DYNC1I1: variants seen among roughly 807,000 people sequenced by gnomAD.
DYNC1I1 encodes cytoplasmic dynein 1 intermediate chain 1.
Under a neutral mutation model 86.6 loss-of-function variants are expected in DYNC1I1, and 43 were observed. The ratio of observed to expected loss-of-function variants is 0.50; its 90% CI spans 0.39 to 0.64. The LOEUF is 0.64. Among genes scored for constraint, DYNC1I1 ranks in the 30% least tolerant of loss-of-function variants. The pLI is 0.00. For synonymous variants in DYNC1I1, 262 were observed against 283.7 expected, an observed-to-expected ratio of 0.92 and a Z score of 0.77; for missense variants, 604 against 788.8, an observed-to-expected ratio of 0.77 and a Z score of 2.81.
intron 1 of DYNC1I1, among the ~76,000 whole-genome samples, chr7:95,790,856 G>A (rs547175322): frequency 1.3e-5 from 2 of 152,176 alleles, no homozygotes; most frequent in Non-Finnish European, 2.9e-5. Context: ...CTTTGGTTGT[G>A]AGGATAGAGT....
intron 6 of DYNC1I1, among the ~76,000 whole-genome samples, chr7:95,910,837 A>G (rs549748795): frequency 6.6e-6 from 1 of 152,306 alleles, no homozygotes; most frequent in Admixed American, 6.5e-5. Context: ...TCATACATAC[A>G]TGTAGCTCAC....
chr7:96,063,918 A>G (rs763133854), intron 14 of DYNC1I1, among the ~76,000 whole-genome samples: 11 of 152,198 alleles, frequency 7.2e-5, no homozygotes, highest in Non-Finnish European at 1.2e-4. Context: ...CAGTCTCTCC[A>G]AGGCTGAATC....
intron 10 of DYNC1I1, among the ~76,000 whole-genome samples, chr7:95,996,719 T>A (rs765922793): frequency 6.6e-6 from 1 of 152,226 alleles, no homozygotes; most frequent in African/African-American, 2.4e-5. Flanking sequence ...CGTTCAGCAT[T>A]GCTCTGTTGC....
At chr7:95,827,458 A>G (rs1795225618) in intron 4 of DYNC1I1, among the ~76,000 whole-genome samples, 1 of 152,252 alleles carries the variant, frequency 6.6e-6, no homozygotes, top group Non-Finnish European at 1.5e-5. Context: ...AATATAAGAT[A>G]TAATCAATCC....
At chr7:95,940,148 A>G (rs1236994243) in intron 6 of DYNC1I1, among the ~76,000 whole-genome samples, 2 of 152,166 alleles carry the variant, frequency 1.3e-5, no homozygotes, top group Non-Finnish European at 2.9e-5. Flanking sequence ...TGGCTTGCAG[A>G]GTTTCTGCCG....
At chr7:95,829,480 G>A (rs1426518411) in intron 5 of DYNC1I1, among the ~76,000 whole-genome samples, 2 of 152,138 alleles carry the variant, frequency 1.3e-5, no homozygotes, top group Admixed American at 1.3e-4. Flanking sequence ...TGTATGGTAA[G>A]TTATAGTTCA....
intron 5 of DYNC1I1, among the ~76,000 whole-genome samples, chr7:95,844,228 C>T (rs780042077): frequency 6.6e-6 from 1 of 152,154 alleles, no homozygotes; most frequent in Non-Finnish European, 1.5e-5. Context: ...GCTTCAGAAG[C>T]CTCGTGATTA....
intron 1 of DYNC1I1, among the ~76,000 whole-genome samples, chr7:95,789,356 G>T (rs1287092383): frequency 6.6e-6 from 1 of 152,228 alleles, no homozygotes; most frequent in Non-Finnish European, 1.5e-5. Flanking sequence ...AATATGTGAT[G>T]GTCCTGCATT....
chr7:96,062,461 C>T (rs1404017070), intron 14 of DYNC1I1, among the ~76,000 whole-genome samples: 1 of 151,388 alleles, frequency 6.6e-6, no homozygotes, highest in East Asian at 1.9e-4. Context: ...ACAATGGGAA[C>T]CCTTGCAGTA....
intron 16 of DYNC1I1, among the ~76,000 whole-genome samples, chr7:96,104,244 A>C (rs957730618): frequency 1.3e-5 from 2 of 152,092 alleles, no homozygotes; most frequent in Non-Finnish European, 2.9e-5. Context: ...ATTAATTTAG[A>C]GGAGTTCTTT....
At chr7:95,818,524 G>A in intron 4 of DYNC1I1, 1 of 656,674 alleles carries the variant, frequency 1.5e-6, no homozygotes, top group Non-Finnish European at 2.8e-6. Context: ...ATATTCCCCA[G>A]GCTGGTCTTG....
At chr7:95,796,610 A>C (rs1380962598) in intron 1 of DYNC1I1, among the ~76,000 whole-genome samples, 1 of 152,088 alleles carries the variant, frequency 6.6e-6, no homozygotes, top group African/African-American at 2.4e-5. Context: ...TGAATGTTTA[A>C]TGCTGAGTGA....
intron 14 of DYNC1I1, among the ~76,000 whole-genome samples, chr7:96,049,755 G>A (rs1336676552): frequency 2.0e-5 from 3 of 152,054 alleles, no homozygotes; most frequent in Non-Finnish European, 4.4e-5. Flanking sequence ...ATAGTGGTGG[G>A]GCACAGTGGC....
chr7:95,908,530 A>G (rs1791236179), intron 6 of DYNC1I1, among the ~76,000 whole-genome samples: 1 of 152,146 alleles, frequency 6.6e-6, no homozygotes, highest in Non-Finnish European at 1.5e-5. Flanking sequence ...ATGGCTAAAT[A>G]TTACTGGTTG....
At chr7:96,011,422 G>T (rs1467418352) in intron 10 of DYNC1I1, among the ~76,000 whole-genome samples, 1 of 152,176 alleles carries the variant, frequency 6.6e-6, no homozygotes, top group Non-Finnish European at 1.5e-5. Flanking sequence ...ACGTTCTTCA[G>T]TGAGAGTTAT....
chr7:96,042,485 A>G (rs1789079014), intron 14 of DYNC1I1, among the ~76,000 whole-genome samples: 1 of 152,198 alleles, frequency 6.6e-6, no homozygotes, highest in African/African-American at 2.4e-5. Flanking sequence ...CCCAGAAGAA[A>G]TTACTGATTC....
At chr7:96,053,567 C>T (rs560501626) in intron 14 of DYNC1I1, among the ~76,000 whole-genome samples, 3 of 152,008 alleles carry the variant, frequency 2.0e-5, no homozygotes, top group Admixed American at 2.0e-4. Flanking sequence ...ACCTGCTCTC[C>T]AAAGTCCTGA....
At chr7:95,975,303 TCA>T (rs1793274891) in intron 6 of DYNC1I1, among the ~76,000 whole-genome samples, 1 of 152,186 alleles carries the variant, frequency 6.6e-6, no homozygotes, top group South Asian at 2.1e-4. Flanking sequence ...ATGTAATGCC[TCA>T]CAGTTCTGGA....
intron 6 of DYNC1I1, among the ~76,000 whole-genome samples, chr7:95,933,687 T>C (rs1226000206): frequency 6.6e-6 from 1 of 152,132 alleles, no homozygotes; most frequent in Non-Finnish European, 1.5e-5. Context: ...GACATGACAC[T>C]GCACTGAAGG....
Sources: gnomAD v4.1 joint callset for allele counts (sites outside exome capture counted in the v4.1 genomes callset) on GRCh38, gnomAD v4.1.1 for gene constraint, MANE v1.5 for transcripts, NCBI Gene and HGNC (gene_info 2026-07-23, HGNC 2026-07-21) for gene names.